The following YES1 variants were observed in gnomAD, a reference collection of about 807,000 sequenced individuals.
The protein encoded by YES1 is YES proto-oncogene 1, Src family tyrosine kinase, also known as tyrosine-protein kinase Yes.
In YES1, 39 loss-of-function variants were observed where a neutral mutation model predicts 70.4. The observed-to-expected ratio is 0.55, with a 90% CI of 0.43 to 0.72. YES1 has a LOEUF of 0.72. Among genes scored for constraint, YES1 ranks in the 30% least tolerant of loss-of-function variants. The probability of loss-of-function intolerance (pLI) is 0.00; values close to 1 mark genes in which losing one functional copy is unlikely to be tolerated. For missense variants in YES1, 495 were observed against 644.8 expected (o/e 0.77, Z 2.52); for synonymous variants, 198 against 218.6 (o/e 0.91, Z 0.83).
intron 1 of YES1, among the ~76,000 whole-genome samples, chr18:761,070 G>A (rs1457316356): frequency 6.6e-6 from 1 of 152,038 alleles, no homozygotes; most frequent in Non-Finnish European, 1.5e-5. Flanking sequence ...ATTATAAGAA[G>A]ATACCTTTTG....
At chr18:746,307 AG>A (rs2080280407) in intron 4 of YES1, among the ~76,000 whole-genome samples, 2 of 152,216 alleles carry the variant, frequency 1.3e-5, no homozygotes, top group South Asian at 4.1e-4. Flanking sequence ...TGACAGTCAC[AG>A]GAACAGTAGA....
In YES1 at chr18:756,628, C is replaced by A. The variant is rs2080410094; in HGVS notation, c.200G>T (p.Gly67Val). The A allele has an allele frequency of 6.2e-7, 1 of 1,614,008 alleles. No individual in the cohort carries two copies. The highest frequency in any genetic ancestry group is 1.3e-5 in the African/African-American group (1 of 74,914). Residue 67 changes from glycine to valine, a missense_variant, in exon 2 of 12, where the codon GGG becomes GTG. Around this residue, in one of 2 missense-constraint regions of YES1, gnomAD observed 110 missense variants for 104.0 expected, o/e 1.06. Transcript: ENST00000314574. ...LSMTPFGGSS[G>V]VTPFGGASSS... The stretch of plus-strand genomic sequence containing the variant: ...AGATGCACCTCCAAAAGGCGTTACC[C>A]CTGAGGATCCTCCAAATGGTGTCAT...
Position 722,247 on chromosome 18 carries a change from C to T in YES1, c.*2177G>A, listed in dbSNP as rs2079960652. 1 of 152,602 alleles carries T rather than the reference C, an allele frequency of 6.6e-6. No individual in the cohort carries two copies. The highest frequency in any genetic ancestry group is 2.1e-4 in the South Asian group (1 of 4,830). The allele number at this position is 152,602 out of a possible 1,614,324, so 9.5% of individuals were successfully genotyped here. ...TGTTGATAAGAGGAAATAATGACAG[C>T]ACTCTTCTTAGGAAGACCCTCTTGG... On this transcript the variant is annotated 3_prime_UTR_variant, in exon 12 of 12. Coordinates refer to ENST00000314574, the MANE Select transcript of YES1 (RefSeq NM_005433.4).
intron 1 of YES1, among the ~76,000 whole-genome samples, chr18:793,417 GC>G (rs1225112752): frequency 6.6e-6 from 1 of 152,086 alleles, no homozygotes; most frequent in Non-Finnish European, 1.5e-5. Flanking sequence ...GCTCACTACA[GC>G]TTCGAACTCC....
At chr18:781,999 C>A (rs911677111) in intron 1 of YES1, among the ~76,000 whole-genome samples, 2 of 152,136 alleles carry the variant, frequency 1.3e-5, no homozygotes, top group African/African-American at 4.8e-5. Context: ...GAACCAGCAA[C>A]CCATGTTCTG....
chr18:756,742 A>T lies in YES1; in HGVS notation c.86T>A (p.Val29Glu), dbSNP rs2080412565. 1 of 1,614,034 alleles carries T rather than the reference A, an allele frequency of 6.2e-7. No individual in the cohort carries two copies. Among genetic ancestry groups the T allele is most frequent in the African/African-American group, 1.3e-5 (1 of 74,894 alleles). Residue 29 changes from valine to glutamate, a missense_variant, in exon 2 of 12, where the codon GTG becomes GAG. Val to Glu is a moderately radical substitution (Grantham distance 121, BLOSUM62 -2). This residue lies in a region of YES1 where 110 missense variants were observed against 104.0 expected (regional missense o/e 1.06). Coordinates refer to ENST00000314574, the MANE Select transcript of YES1 (RefSeq NM_005433.4). ...ENTPEPVSTS[V>E]SHYGAEPTTV... ...AGTGGGTTCTGCTCCATAATGGCTC[A>T]CACTTGTACTGACAGGCTCTGGAGT...
At chr18:757,419 C>A (rs868310647) in intron 1 of YES1, among the ~76,000 whole-genome samples, 2 of 150,474 alleles carry the variant, frequency 1.3e-5, no homozygotes, top group Non-Finnish European at 2.9e-5. Flanking sequence ...AGGAGAATGG[C>A]GTGAACCCGG....
rs1289092438 is a variant in YES1, at chr18:724,565, A to G, written c.1491T>C (p.Cys497=). The G allele has an allele frequency of 6.2e-7, 1 of 1,614,214 alleles. No homozygotes were observed. Among genetic ancestry groups the G allele is most frequent in the Admixed American group, 1.7e-5 (1 of 60,018 alleles). Residue 497 remains cysteine, a synonymous_variant, in exon 12 of 12, where the codon TGT becomes TGC. Coordinates refer to ENST00000314574, the MANE Select transcript of YES1 (RefSeq NM_005433.4). ...TCATCAATTCATGGAGGGATTCTGG[A>G]CAGCCCTGAGGGCACGGCATCCTGT... ...RGYRMPCPQG[C]PESLHELMNL... is the part of the protein sequence containing the mutation.
At chr18:755,722 C>A (rs1172382375) in intron 2 of YES1, among the ~76,000 whole-genome samples, 1 of 152,104 alleles carries the variant, frequency 6.6e-6, no homozygotes, top group African/African-American at 2.4e-5. Context: ...AGCAGACACT[C>A]CCAAGGGCTG....
intron 1 of YES1, among the ~76,000 whole-genome samples, chr18:803,181 G>C (rs1229002123): frequency 1.3e-5 from 2 of 152,216 alleles, no homozygotes; most frequent in African/African-American, 4.8e-5. Context: ...GTTGCAGTGA[G>C]CCAAGGTTTT....
intron 1 of YES1, among the ~76,000 whole-genome samples, chr18:775,496 T>G (rs1165950129): frequency 1.3e-5 from 2 of 152,128 alleles, no homozygotes; most frequent in Admixed American, 6.6e-5. Context: ...CTTGTAAGGC[T>G]TCTCATAAAT....
chr18:767,059 AAGTCTGAACTCTTCTG>A (rs1904945236), intron 1 of YES1, among the ~76,000 whole-genome samples: 1 of 68,564 alleles, frequency 1.5e-5, no homozygotes, highest in Non-Finnish European at 2.9e-5. Context: ...GTTCATCTGT[AAGTCTGAACTCTTCTG>A]TAAGTCTGAA....
At position 739,815 on chromosome 18, in the gene YES1, T is replaced by C. The variant is rs754403994; in HGVS notation, c.1061-4A>G. 12 of 1,605,648 alleles carry C rather than the reference T, an allele frequency of 7.5e-6. No homozygotes were observed. ...TTAAGGAAATCTAATAAGCTTCCTG[T>C]AACAGACAGCAAGATATTCATAAAA... is the stretch of plus-strand genomic sequence containing the variant. On this transcript the variant is annotated splice_region_variant and splice_polypyrimidine_tract_variant and intron_variant, in intron 8 of 11. Transcript: ENST00000314574.
At chr18:784,977 C>G (rs1053677761) in intron 1 of YES1, among the ~76,000 whole-genome samples, 1 of 152,136 alleles carries the variant, frequency 6.6e-6, no homozygotes, top group African/African-American at 2.4e-5. Context: ...TGCTTATAAT[C>G]AGTATACTAC....
rs1031621941 is a variant in YES1, at chr18:721,615, A to G, written c.*2809T>C. On this transcript the variant is annotated 3_prime_UTR_variant, in exon 12 of 12. Transcript: ENST00000314574. The stretch of plus-strand genomic sequence containing the variant: ...AGTTCAATAATGTTCTGAATTTAAT[A>G]AAGGATTGATTAAATTCTGCTCAGT... 5 of 152,336 alleles carry G rather than the reference A, an allele frequency of 3.3e-5. No homozygotes were observed. The East Asian group carries it at 7.7e-4, about 23-fold the overall frequency. The allele number at this position is 152,336 out of a possible 1,614,324, so 9.4% of individuals were successfully genotyped here. A position where few individuals can be genotyped will look rare whatever the true frequency, so the allele number is the denominator to read the frequency against.
intron 1 of YES1, among the ~76,000 whole-genome samples, chr18:804,505 A>C (rs576026933): frequency 8.1e-4 from 119 of 147,680 alleles, no homozygotes; most frequent in African/African-American, 2.9e-3. Context: ...GCTACTGAGG[A>C]GGCTGAGGCA....
At chr18:780,739 T>C (rs1427635833) in intron 1 of YES1, among the ~76,000 whole-genome samples, 1 of 152,204 alleles carries the variant, frequency 6.6e-6, no homozygotes, top group Non-Finnish European at 1.5e-5. Context: ...ACTTGTTCTA[T>C]AGGGTTGCCT....
intron 9 of YES1, 150 bp from the exon 10 acceptor site, chr18:737,111 G>T: frequency 1.6e-6 from 1 of 634,784 alleles, no homozygotes; most frequent in Admixed American, 3.5e-5. Context: ...GAAGATAACA[G>T]GAAAACCAGA....
intron 6 of YES1, 138 bp from the exon 7 acceptor site, chr18:743,553 A>T: frequency 1.5e-6 from 1 of 647,382 alleles, no homozygotes; most frequent in African/African-American, 1.8e-5. Context: ...GCACAAAACA[A>T]AAAGGGAGTT....
Sources: allele counts gnomAD v4.1 joint callset (sites outside exome capture counted in the v4.1 genomes callset), GRCh38; gene constraint gnomAD v4.1.1; regional missense constraint gnomAD v4.1.1; transcripts MANE v1.5; gene names NCBI Gene and HGNC (gene_info 2026-07-23, HGNC 2026-07-21).